CA10: variants seen among roughly 807,000 people sequenced by gnomAD.
CA10 encodes the protein carbonic anhydrase 10 (inactive).
CA10 carries 14 observed loss-of-function variants against 44.2 expected under a neutral mutation model. The observed-to-expected ratio is 0.32, with a 90% CI of 0.21 to 0.50. CA10 has a LOEUF of 0.50. CA10 is among the 20% of genes least tolerant of loss of function. The pLI is 0.99. For synonymous variants in CA10, 159 were observed against 141.6 expected (o/e 1.12, Z -0.87); for missense variants, 350 against 409.7 (o/e 0.85, Z 1.26).
intron 3 of CA10, among the ~76,000 whole-genome samples, chr17:51,782,644 C>G (rs1567837879): frequency 6.6e-6 from 1 of 152,178 alleles, no homozygotes. Flanking sequence ...AGCGTCCAAC[C>G]CCCTTGACCA....
intron 3 of CA10, among the ~76,000 whole-genome samples, chr17:51,817,709 G>T (rs1179479282): frequency 6.6e-6 from 1 of 152,158 alleles, no homozygotes; most frequent in Non-Finnish European, 1.5e-5. Flanking sequence ...CATGCATGGG[G>T]CAGAAGACCA....
intron 2 of CA10, among the ~76,000 whole-genome samples, chr17:52,047,963 G>T (rs946846541): frequency 2.0e-5 from 3 of 150,278 alleles, no homozygotes; most frequent in Non-Finnish European, 4.4e-5. Flanking sequence ...GTCTTATTTA[G>T]ATGAAAACAA....
chr17:51,933,592 C>T (rs553682755), intron 2 of CA10, among the ~76,000 whole-genome samples: 5 of 152,052 alleles, frequency 3.3e-5, no homozygotes, highest in African/African-American at 1.2e-4. Context: ...CTGTTTTAAG[C>T]CATGCAGTTG....
At chr17:52,069,402 G>A (rs749126755) in intron 2 of CA10, among the ~76,000 whole-genome samples, 2 of 152,170 alleles carry the variant, frequency 1.3e-5, no homozygotes, top group Non-Finnish European at 1.5e-5. Context: ...TGCAAGCATA[G>A]TCAGGGCTCT....
chr17:51,944,878 TA>T, intron 2 of CA10, among the ~76,000 whole-genome samples: 1 of 152,280 alleles, frequency 6.6e-6, no homozygotes, highest in East Asian at 1.9e-4. Flanking sequence ...TTAAACTGAT[TA>T]ATTTTCTTAT....
At chr17:52,048,381 T>C (rs1050599679) in intron 2 of CA10, among the ~76,000 whole-genome samples, 3 of 151,990 alleles carry the variant, frequency 2.0e-5, no homozygotes, top group African/African-American at 4.8e-5. Flanking sequence ...ATAAATACTT[T>C]AAGCACCTAC....
chr17:51,748,536 C>A, intron 3 of CA10: 2 of 791,264 alleles, frequency 2.5e-6, no homozygotes, highest in Non-Finnish European at 2.9e-6. Context: ...GCTTCATTTT[C>A]CTGACTGTGA....
chr17:51,938,932 C>G (rs1598128469), intron 2 of CA10, among the ~76,000 whole-genome samples: 1 of 152,082 alleles, frequency 6.6e-6, no homozygotes, highest in East Asian at 1.9e-4. Flanking sequence ...CAGTTTCTTT[C>G]TTTAAAACAA....
Position 51,747,109 on chromosome 17 carries a change from T to C in CA10, c.465+524A>G, listed in dbSNP as rs144187625. Among the ~76,000 whole-genome samples, 133 of 152,334 alleles carry C rather than the reference T, an allele frequency of 8.7e-4. 1 individual carries two copies. The highest frequency in any genetic ancestry group is 3.0e-3 in the African/African-American group (124 of 41,584). On this transcript the variant is annotated intron_variant, in intron 4 of 8. Coordinates refer to ENST00000451037, the MANE Select transcript of CA10 (RefSeq NM_020178.5). ...GTTGGGCTCTCTGCTGTGGCCTGAG[T>C]TCTGTCTGGGTTGATGGTGGCACAC... is the stretch of plus-strand genomic sequence containing the variant.
At chr17:51,688,101 A>G (rs1356472895) in intron 4 of CA10, among the ~76,000 whole-genome samples, 2 of 152,192 alleles carry the variant, frequency 1.3e-5, no homozygotes, top group South Asian at 4.1e-4. Context: ...AAGCAGCCCT[A>G]TGGGAAATGT....
chr17:52,073,497 A>T (rs1987739564), intron 1 of CA10, among the ~76,000 whole-genome samples: 1 of 152,176 alleles, frequency 6.6e-6, no homozygotes, highest in Non-Finnish European at 1.5e-5. Context: ...AGATTTTCTG[A>T]CATAGGATGA....
intron 2 of CA10, among the ~76,000 whole-genome samples, chr17:52,053,887 T>C (rs2143059632): frequency 6.6e-6 from 1 of 152,264 alleles, no homozygotes; most frequent in African/African-American, 2.4e-5. Flanking sequence ...CCCCAATCAA[T>C]ACCCTTGTGA....
chr17:51,963,014 A>G (rs1598142358), intron 2 of CA10, among the ~76,000 whole-genome samples: 1 of 152,210 alleles, frequency 6.6e-6, no homozygotes, highest in East Asian at 1.9e-4. Flanking sequence ...AAGTCAACAC[A>G]AATAAACTCC....
intron 2 of CA10, among the ~76,000 whole-genome samples, chr17:52,068,589 C>G (rs1483570632): frequency 6.6e-6 from 1 of 152,132 alleles, no homozygotes; most frequent in Non-Finnish European, 1.5e-5. Context: ...GATGCCTGGC[C>G]CTGGAAGACT....
At chr17:51,950,513 G>A (rs203009) in intron 2 of CA10, among the ~76,000 whole-genome samples, 147,883 of 152,184 alleles carry the variant, frequency 0.97, 71,962 homozygotes, top group East Asian at 1. Context: ...CTATGGATGG[G>A]AAATGGCTGT....
At chr17:52,135,526 C>A (rs1475957106) in intron 1 of CA10, among the ~76,000 whole-genome samples, 1 of 152,102 alleles carries the variant, frequency 6.6e-6, no homozygotes, top group Non-Finnish European at 1.5e-5. Flanking sequence ...ATTCATGACT[C>A]CTCCTATAGC....
chr17:51,802,063 A>C (rs1445193593), intron 3 of CA10, among the ~76,000 whole-genome samples: 2 of 152,188 alleles, frequency 1.3e-5, no homozygotes, highest in Non-Finnish European at 2.9e-5. Context: ...AAGTGGTGGA[A>C]AGTGACTGCT....
chr17:51,726,522 C>T (rs1416004167), intron 4 of CA10, among the ~76,000 whole-genome samples: 1 of 152,132 alleles, frequency 6.6e-6, no homozygotes, highest in Non-Finnish European at 1.5e-5. Flanking sequence ...ACAAAATAAG[C>T]ATATTTCAAA....
intron 2 of CA10, among the ~76,000 whole-genome samples, chr17:52,044,761 A>T (rs1355812265): frequency 2.8e-5 from 1 of 35,884 alleles, no homozygotes; most frequent in Non-Finnish European, 5.5e-5. Context: ...AAGAAACAGC[A>T]ACAGAAACTA....
Sources: allele counts gnomAD v4.1 joint callset (sites outside exome capture counted in the v4.1 genomes callset), GRCh38; gene constraint gnomAD v4.1.1; transcripts MANE v1.5; gene names NCBI Gene and HGNC (gene_info 2026-07-23, HGNC 2026-07-21).